Variants in MEST observed in about 807,000 individuals in gnomAD.
MEST encodes mesoderm specific transcript.
A neutral mutation model predicts 50.9 loss-of-function variants in MEST; 18 were observed. The observed-to-expected ratio is 0.35, with a 90% CI of 0.24 to 0.52. The LOEUF (loss-of-function observed/expected upper bound fraction) is 0.52. Ranked by LOEUF, MEST falls within the 20% of genes least tolerant of loss-of-function variation. MEST has a pLI of 0.94. For synonymous variants in MEST, 130 were observed against 154.1 expected (o/e 0.84, Z 1.16); for missense variants, 282 against 425.3 (o/e 0.66, Z 2.96).
At position 130,500,403 on chromosome 7, in the gene MEST, GC is replaced by G; in HGVS notation, c.577-55del. The G allele has an allele frequency of 6.9e-7, 1 of 1,449,864 alleles. No individual in the cohort carries two copies. The highest frequency in any genetic ancestry group is 9.6e-7 in the Non-Finnish European group (1 of 1,044,554). The allele number at this position is 1,449,864 out of a possible 1,614,324, so 89.8% of individuals were successfully genotyped here. ...TTTAGTTCCTAGTATAAAACCTTTT[GC>G]CCCGGTGAGGATCTTCCTCTGGGTT... On this transcript the variant is annotated intron_variant, in intron 7 of 11. Transcript: ENST00000223215. This position sits in a 1 kb window ranked among gnomAD's most constrained non-coding sequence, Gnocchi z 5.0.
chr7:130,496,942 G>T, intron 2 of MEST: 1 of 361,340 alleles, frequency 2.8e-6, no homozygotes, highest in Admixed American at 4.7e-5. Context: ...CACATAGCAT[G>T]ATTTTTACAA....
At chr7:130,487,463 C>CA (rs1798659697), upstream of MEST, 1 of 152,100 alleles carries the variant, frequency 6.6e-6, no homozygotes, top group Non-Finnish European at 1.5e-5. Flanking sequence ...CTAATACTGT[C>CA]ACCTGGAGAA....
intron 6 of MEST, 30 bp downstream of exon 6, chr7:130,498,507 G>A: frequency 6.2e-7 from 1 of 1,604,686 alleles, no homozygotes; most frequent in Non-Finnish European, 8.5e-7. Context: ...GTAGAAAGTG[G>A]GTGTAATCTA....
intron 2 of MEST, chr7:130,496,330 C>T: frequency 2.6e-6 from 1 of 380,762 alleles, no homozygotes; most frequent in East Asian, 9.7e-5. Context: ...CATTTTCAAA[C>T]TATACTACTT....
At chr7:130,504,018 C>CT (rs782428543) in intron 11 of MEST, 22 bp downstream of exon 11, 7 of 1,596,988 alleles carry the variant, frequency 4.4e-6, no homozygotes, top group Non-Finnish European at 6.0e-6. Context: ...CGAGAGAAGT[C>CT]TATGTTTTGT....
At chr7:130,493,284 T>C (rs879982705) in intron 1 of MEST, 10 of 152,154 alleles carry the variant, frequency 6.6e-5, no homozygotes, top group Middle Eastern at 3.4e-3. Flanking sequence ...GGTTGGGTGG[T>C]ATTATTACGG....
In MEST at chr7:130,497,891, G is replaced by T. The variant is rs1554437442; in HGVS notation, c.262-45G>T. The T allele has an allele frequency of 6.3e-7, 1 of 1,575,188 alleles. No individual in the cohort carries two copies. The highest frequency in any genetic ancestry group is 1.7e-5 in the Admixed American group (1 of 59,986). ...GTGCAACTGTAGGTCTGGTGAAAGG[G>T]AGGGGCAGGAGCAGAAAGCCCAAAT... is the stretch of plus-strand genomic sequence containing the variant. On this transcript the variant is annotated intron_variant, in intron 3 of 11. Coordinates refer to ENST00000223215, the MANE Select transcript of MEST (RefSeq NM_002402.4). This position sits in a 1 kb window ranked among gnomAD's most constrained non-coding sequence, Gnocchi z 4.0.
At chr7:130,495,778 GTTT>G in intron 2 of MEST, 14 of 188,876 alleles carry the variant, frequency 7.4e-5, no homozygotes, top group East Asian at 1.5e-4. Flanking sequence ...TCCAATATTA[GTTT>G]TTTTTTTTTT....
intron 1 of MEST, among the ~76,000 whole-genome samples, chr7:130,493,719 G>C (rs1366597527): frequency 1.3e-5 from 2 of 152,314 alleles, no homozygotes; most frequent in Non-Finnish European, 2.9e-5. Flanking sequence ...TCACTGCAGA[G>C]ATTCAGCTGC....
chr7:130,500,924 AC>A lies in MEST; in HGVS notation c.749+35del. 1 of 1,587,832 alleles carries A rather than the reference AC, an allele frequency of 6.3e-7. No homozygotes were observed. The highest frequency in any genetic ancestry group is 2.2e-5 in the East Asian group (1 of 44,748). On this transcript the variant is annotated intron_variant, in intron 9 of 11. Coordinates refer to ENST00000223215, the MANE Select transcript of MEST (RefSeq NM_002402.4). This position sits in a 1 kb window ranked among gnomAD's most constrained non-coding sequence, Gnocchi z 5.0. Reference sequence around the variant, plus strand: ...TTACCCTTTGCTTTGGTTTCCAGAGACGTGTTTTTGTGGAGAGTGGGGATTG... The same window carrying A: ...TTACCCTTTGCTTTGGTTTCCAGAGAGTGTTTTTGTGGAGAGTGGGGATTG...
At position 130,500,993 on chromosome 7, in the gene MEST, CTGA is replaced by C. The variant is rs1287718336; in HGVS notation, c.749+110_749+112del. On this transcript the variant is annotated intron_variant, in intron 9 of 11. Transcript: ENST00000223215. This position sits in a 1 kb window ranked among gnomAD's most constrained non-coding sequence, Gnocchi z 5.0. Reference sequence around the variant, plus strand: ...TGGCTTATTCCCTATCACAGGAAGGCTGATGATGACCTATGGGGCAAACCAAAA... The same window carrying C: ...TGGCTTATTCCCTATCACAGGAAGGCTGATGACCTATGGGGCAAACCAAAA... The C allele has an allele frequency of 8.3e-6, 8 of 967,262 alleles. No individual in the cohort carries two copies. The highest frequency in any genetic ancestry group is 2.5e-5 in the Admixed American group (1 of 40,754). 59.9% of individuals were successfully genotyped at this position (967,262 alleles called of 1,614,324 possible). A position where few individuals can be genotyped will look rare whatever the true frequency, so the allele number is the denominator to read the frequency against.
At chr7:130,495,318 G>C in intron 1 of MEST, 50 bp from the exon 2 acceptor site, 1 of 1,544,386 alleles carries the variant, frequency 6.5e-7, no homozygotes, top group Middle Eastern at 1.7e-4. Flanking sequence ...TTGTAGATGA[G>C]TGGACAATGT....
rs567884036 is a variant in MEST, at chr7:130,486,739, C to T, written c.-2+344C>T. ...CCCCCGCGACAGAGTTTAGTCATTC[C>T]GTTAGCTGGCTCCACCCGCCCTCCT... On this transcript the variant is annotated intron_variant, in intron 1 of 11. Coordinates refer to the MEST transcript ENST00000341441. The T allele has an allele frequency of 3.3e-5, 5 of 152,404 alleles. No individual in the cohort carries two copies. In the South Asian group the frequency reaches 1.0e-3, roughly 32 times the overall value. 9.4% of individuals were successfully genotyped at this position (152,404 alleles called of 1,614,324 possible). A position where few individuals can be genotyped will look rare whatever the true frequency, so the allele number is the denominator to read the frequency against.
In MEST at chr7:130,500,727, A is replaced by G; in HGVS notation, c.648-62A>G. 1 of 1,423,930 alleles carries G rather than the reference A, an allele frequency of 7.0e-7. No individual in the cohort carries two copies. Among genetic ancestry groups the G allele is most frequent in the Non-Finnish European group, 9.7e-7 (1 of 1,032,090 alleles). 88.2% of individuals were successfully genotyped at this position (1,423,930 alleles called of 1,614,324 possible). A position where few individuals can be genotyped will look rare whatever the true frequency, so the allele number is the denominator to read the frequency against. On this transcript the variant is annotated intron_variant, in intron 8 of 11. Coordinates refer to ENST00000223215, the MANE Select transcript of MEST (RefSeq NM_002402.4). The surrounding 1 kb of genome is among the most constrained non-coding windows in gnomAD (Gnocchi z 5.0). ...CAGACTGCATGGCCTCTGAGGTTCC[A>G]GCCATATTGAACATTCTGAGTTCTC...
chr7:130,490,420 G>A (rs766843210), upstream of MEST, among the ~76,000 whole-genome samples: 11 of 152,194 alleles, frequency 7.2e-5, no homozygotes, highest in African/African-American at 2.2e-4. Flanking sequence ...TCTGGTAAAT[G>A]TCTATTCATC....
At chr7:130,488,267 G>A (rs1446065730), upstream of MEST, 1 of 152,192 alleles carries the variant, frequency 6.6e-6, no homozygotes, top group Admixed American at 6.5e-5. Context: ...TACCAAAATG[G>A]CTGAGCCACC....
At position 130,497,137 on chromosome 7, in the gene MEST, G is replaced by A; in HGVS notation, c.182-19G>A. On this transcript the variant is annotated intron_variant, in intron 2 of 11. Transcript: ENST00000223215. The surrounding 1 kb of genome is among the most constrained non-coding windows in gnomAD (Gnocchi z 4.0). ...TTATAGGGATTTGGCATAATTGATTGTACTTTCCTTCTTCCTAGACTCTGT... is the reference window on the plus strand; with the variant it reads ...TTATAGGGATTTGGCATAATTGATTATACTTTCCTTCTTCCTAGACTCTGT... 3.1e-6 allele frequency: 5 copies of A among 1,600,068 alleles called. No homozygotes were observed. The highest frequency in any genetic ancestry group is 4.3e-6 in the Non-Finnish European group (5 of 1,170,902).
intron 2 of MEST, chr7:130,496,876 GA>G: frequency 4.0e-6 from 1 of 250,204 alleles, no homozygotes; most frequent in Non-Finnish European, 7.6e-6. Context: ...GAGAAATGGG[GA>G]GATGCTGTTT....
In MEST at chr7:130,500,572, C is replaced by T. The variant is rs1345618154; in HGVS notation, c.647+40C>T. On this transcript the variant is annotated intron_variant, in intron 8 of 11. Transcript: ENST00000223215. The surrounding 1 kb of genome is among the most constrained non-coding windows in gnomAD (Gnocchi z 5.0). ...CAAAGATTGTGGCCTAGAGCAATGT[C>T]GTGAAAAGTTGCTGCCATTACAATT... 5.1e-6 allele frequency: 8 copies of T among 1,574,242 alleles called. No individual in the cohort carries two copies. Among genetic ancestry groups the T allele is most frequent in the Admixed American group, 1.7e-5 (1 of 57,348 alleles).
Sources: allele counts gnomAD v4.1 joint callset (sites outside exome capture counted in the v4.1 genomes callset), GRCh38; gene constraint gnomAD v4.1.1; non-coding constraint Gnocchi (gnomAD v3.1); transcripts MANE v1.5; gene names NCBI Gene and HGNC (gene_info 2026-07-23, HGNC 2026-07-21).